The following UHMK1 variants were observed in gnomAD, a reference collection of about 807,000 sequenced individuals.
UHMK1 encodes the protein U2AF homology motif kinase 1, also known as serine/threonine-protein kinase Kist.
UHMK1 carries 18 observed loss-of-function variants against 44.0 expected under a neutral mutation model. That is an observed-to-expected ratio of 0.41 (90% CI 0.28 to 0.61). The LOEUF (loss-of-function observed/expected upper bound fraction) is 0.61. Ranked by LOEUF, UHMK1 falls within the 20% of genes least tolerant of loss-of-function variation. The probability of loss-of-function intolerance (pLI) is 0.31; values close to 1 mark genes in which losing one functional copy is unlikely to be tolerated. For missense variants in UHMK1, 463 were observed against 522.5 expected (o/e 0.89, Z 1.11); for synonymous variants, 231 against 198.5 (o/e 1.16, Z -1.38).
At chr1:162,518,831 A>G (rs1404687832) in intron 7 of UHMK1, among the ~76,000 whole-genome samples, 1 of 151,428 alleles carries the variant, frequency 6.6e-6, no homozygotes, top group African/African-American at 2.4e-5. Context: ...TACTAAAAAT[A>G]CAAAAAATTA....
At position 162,500,171 on chromosome 1, in the gene UHMK1, G is replaced by A. The variant is rs375343785; in HGVS notation, c.485G>A (p.Arg162His). 7 of 1,614,062 alleles carry A rather than the reference G, an allele frequency of 4.3e-6. No homozygotes were observed. Among genetic ancestry groups the A allele is most frequent in the Non-Finnish European group, 5.9e-6 (7 of 1,180,034 alleles). The change falls in exon 2 of 8, where the codon CGT becomes CAT. Residue 162 changes from arginine to histidine, a missense_variant. This residue lies in a region of UHMK1 where 264 missense variants were observed against 326.3 expected (regional missense o/e 0.81). Coordinates refer to ENST00000489294, the MANE Select transcript of UHMK1 (RefSeq NM_175866.5). ...TATGTCCATGCGGACCTCAAACCAC[G>A]TAACATATTGTGGAGTGCAGAGAAT... Reference protein sequence around the residue: ...EGYVHADLKPRNILWSAENEC... With the variant: ...EGYVHADLKPHNILWSAENEC...
In UHMK1 at chr1:162,525,186, A is replaced by G. The variant is rs1192037106; in HGVS notation, c.*2636A>G. 5 of 152,254 alleles carry G rather than the reference A, an allele frequency of 3.3e-5. No homozygotes were observed. Among genetic ancestry groups the G allele is most frequent in the African/African-American group, 1.2e-4 (5 of 41,472 alleles). The allele number at this position is 152,254 out of a possible 1,614,324, so 9.4% of individuals were successfully genotyped here. ...GATTACCCCTCCCTCCTGTGATATTATCTTTCTTAAACCTGAACCAAATAT... is the reference window on the plus strand; with the variant it reads ...GATTACCCCTCCCTCCTGTGATATTGTCTTTCTTAAACCTGAACCAAATAT... On this transcript the variant is annotated 3_prime_UTR_variant, in exon 8 of 8. Transcript: ENST00000489294.
At chr1:162,497,357 C>A, upstream of UHMK1, 2 of 687,428 alleles carry the variant, frequency 2.9e-6, no homozygotes, top group East Asian at 5.4e-5. Flanking sequence ...TTAGAGTGCC[C>A]TGGCCTGGGA....
chr1:162,503,771 T>A lies in UHMK1; in HGVS notation c.771T>A (p.Ile257=), dbSNP rs1311449763. The change falls in exon 4 of 8, where the codon ATT becomes ATA. Residue 257 remains isoleucine (I), a synonymous_variant. Transcript: ENST00000489294. ...TTTTTAAGGCAAACAGTTCTGCTAT[T>A]ATTGATCACATATTTGCCAGTAAAG... The part of the protein sequence containing the change: ...SQEWKANSSA[I]IDHIFASKAV... The A allele has an allele frequency of 6.2e-7, 1 of 1,614,094 alleles. No individual in the cohort carries two copies. Among genetic ancestry groups the A allele is most frequent in the Non-Finnish European group, 8.5e-7 (1 of 1,179,982 alleles).
intron 4 of UHMK1, 106 bp from the exon 5 acceptor site, chr1:162,512,394 A>G: frequency 2.3e-6 from 2 of 862,916 alleles, no homozygotes; most frequent in Non-Finnish European, 3.6e-6. Context: ...AATCATGCTA[A>G]TATAATTAAT....
At chr1:162,515,616 A>G (rs1651807099) in intron 6 of UHMK1, among the ~76,000 whole-genome samples, 1 of 152,314 alleles carries the variant, frequency 6.6e-6, no homozygotes, top group Non-Finnish European at 1.5e-5. Context: ...ACGAAGGTAC[A>G]ATGGCTCTGA....
rs1652310871 is a variant in UHMK1, at chr1:162,528,075, A to G, written c.*5525A>G. ...TCCCCTTCTAAGTTATCTTCCCTTA[A>G]TAATATTTATGATACCAGGACAGTG... On this transcript the variant is annotated 3_prime_UTR_variant, in exon 8 of 8. Coordinates refer to ENST00000489294, the MANE Select transcript of UHMK1 (RefSeq NM_175866.5). The G allele has an allele frequency of 6.6e-6, 1 of 152,036 alleles. No homozygotes were observed. The allele number at this position is 152,036 out of a possible 1,614,324, so 9.4% of individuals were successfully genotyped here. A position where few individuals can be genotyped will look rare whatever the true frequency, so the allele number is the denominator to read the frequency against.
intron 7 of UHMK1, among the ~76,000 whole-genome samples, chr1:162,519,691 T>C (rs1651985492): frequency 6.6e-6 from 1 of 152,202 alleles, no homozygotes; most frequent in African/African-American, 2.4e-5. Flanking sequence ...AGAGATAGAA[T>C]TTTGGTTTGC....
chr1:162,503,611 C>CAAA (rs33964112), intron 3 of UHMK1, 143 bp from the exon 4 acceptor site: 37 of 358,208 alleles, frequency 1.0e-4, no homozygotes, highest in South Asian at 4.1e-4. Flanking sequence ...ACCCTGTCTC[C>CAAA]AAAAAAAAAA....
rs867951800 is a variant in UHMK1, at chr1:162,497,865, C to T, written c.-136C>T. The T allele has an allele frequency of 9.3e-6, 13 of 1,391,036 alleles. No individual in the cohort carries two copies. In the Middle Eastern group the frequency reaches 8.1e-4, roughly 87 times the overall value. The allele number at this position is 1,391,036 out of a possible 1,614,324, so 86.2% of individuals were successfully genotyped here. On this transcript the variant is annotated 5_prime_UTR_variant, in exon 1 of 8. Coordinates refer to ENST00000489294, the MANE Select transcript of UHMK1 (RefSeq NM_175866.5). ...TCCGGTGTCATGGCTGCTTGAAGTC[C>T]CGGGAGTCGGTGAGGCGGCTGCAGG...
At chr1:162,515,370 C>T (rs907987424) in intron 6 of UHMK1, among the ~76,000 whole-genome samples, 1 of 152,056 alleles carries the variant, frequency 6.6e-6, no homozygotes, top group Non-Finnish European at 1.5e-5. Context: ...ATCTCTAAAG[C>T]TCTTATTTTT....
rs1652363277 is a variant in UHMK1, at chr1:162,529,274, A to T, written c.*6724A>T. On this transcript the variant is annotated 3_prime_UTR_variant, in exon 8 of 8. Coordinates refer to ENST00000489294, the MANE Select transcript of UHMK1 (RefSeq NM_175866.5). ...GAGCTTTTGTTTTTTTTTTAAAGAA[A>T]AAACAAAAACTAAGTGGGACTATGT... 6.6e-6 allele frequency: 1 copy of T among 152,112 alleles called. No homozygotes were observed. Among genetic ancestry groups the T allele is most frequent in the Non-Finnish European group, 1.5e-5 (1 of 67,990 alleles). The allele number at this position is 152,112 out of a possible 1,614,324, so 9.4% of individuals were successfully genotyped here.
intron 7 of UHMK1, among the ~76,000 whole-genome samples, chr1:162,519,862 C>T (rs1651990733): frequency 6.6e-6 from 1 of 152,106 alleles, no homozygotes; most frequent in South Asian, 2.1e-4. Context: ...GATGTCTGTC[C>T]TCTAGGGGGT....
At chr1:162,498,311 T>C (rs765605654) in intron 1 of UHMK1, 43 bp downstream of exon 1, 11 of 1,541,170 alleles carry the variant, frequency 7.1e-6, no homozygotes, top group Non-Finnish European at 8.8e-6. Flanking sequence ...CAGGTCACAG[T>C]CCGAGCACAC....
Position 162,522,629 on chromosome 1 carries a change from C to A in UHMK1, c.*79C>A. 7.0e-7 allele frequency: 1 copy of A among 1,432,428 alleles called. No individual in the cohort carries two copies. The highest frequency in any genetic ancestry group is 1.3e-5 in the South Asian group (1 of 76,302). The allele number at this position is 1,432,428 out of a possible 1,614,324, so 88.7% of individuals were successfully genotyped here. ...CCACATATGAATGCAGGACTACCCC[C>A]TTACCATTTTAAGAAGGTACTTTAT... On this transcript the variant is annotated 3_prime_UTR_variant, in exon 8 of 8. Transcript: ENST00000489294.
At chr1:162,507,578 T>A (rs1489314743) in intron 4 of UHMK1, among the ~76,000 whole-genome samples, 2 of 120,696 alleles carry the variant, frequency 1.7e-5, no homozygotes, top group East Asian at 5.0e-4. Context: ...CAACCCATTC[T>A]TTCTTTTTTT....
intron 4 of UHMK1, among the ~76,000 whole-genome samples, chr1:162,507,124 T>C (rs1260133303): frequency 6.6e-6 from 1 of 151,988 alleles, no homozygotes; most frequent in Non-Finnish European, 1.5e-5. Flanking sequence ...TTTTTTCCTT[T>C]CTTTTTTTTT....
chr1:162,505,187 A>G (rs1571007038), intron 4 of UHMK1, among the ~76,000 whole-genome samples: 2 of 151,964 alleles, frequency 1.3e-5, no homozygotes, highest in African/African-American at 4.8e-5. Flanking sequence ...AAACTGAGAC[A>G]CAAGCACACC....
chr1:162,497,741 C>G, upstream of UHMK1: 4 of 1,208,796 alleles, frequency 3.3e-6, no homozygotes, highest in Non-Finnish European at 4.2e-6. Context: ...CGCGTCTAAT[C>G]TCTTCTAGGC....
Sources: allele counts gnomAD v4.1 joint callset (sites outside exome capture counted in the v4.1 genomes callset), GRCh38; gene constraint gnomAD v4.1.1; regional missense constraint gnomAD v4.1.1; transcripts MANE v1.5; gene names NCBI Gene and HGNC (gene_info 2026-07-23, HGNC 2026-07-21).